The following GSE1 variants were observed in gnomAD, a reference collection of about 807,000 sequenced individuals.
The protein encoded by GSE1 is Gse1 coiled-coil protein.
GSE1 carries 32 observed loss-of-function variants against 112.6 expected under a neutral mutation model. The ratio of observed to expected loss-of-function variants is 0.28; its 90% confidence interval spans 0.21 to 0.38. The LOEUF (loss-of-function observed/expected upper bound fraction) is 0.38, where lower values mean the gene tolerates loss of function less well. Among genes scored for constraint, GSE1 ranks in the 10% least tolerant of loss-of-function variants. The probability of loss-of-function intolerance (pLI) is 1.00; values close to 1 mark genes in which losing one functional copy is unlikely to be tolerated. For missense variants in GSE1, 2,348 were observed against 1,699.2 expected (o/e 1.38, Z -6.71); for synonymous variants, 1,115 against 735.6 (o/e 1.52, Z -8.35).
chr16:85,176,179 CT>C (rs970357068), intron 1 of GSE1, among the ~76,000 whole-genome samples: 2 of 151,746 alleles, frequency 1.3e-5, no homozygotes, highest in Non-Finnish European at 2.9e-5. Flanking sequence ...TCTAGAGACT[CT>C]GTTGCCCTGG....
chr16:85,340,870 C>G (rs1446524775), intron 1 of GSE1, among the ~76,000 whole-genome samples: 1 of 152,224 alleles, frequency 6.6e-6, no homozygotes, highest in Non-Finnish European at 1.5e-5. Flanking sequence ...CCACTCCCGG[C>G]TCTGCCCAGG....
At chr16:85,465,906 A>C (rs571485170) in intron 2 of GSE1, among the ~76,000 whole-genome samples, 1 of 152,304 alleles carries the variant, frequency 6.6e-6, no homozygotes, top group East Asian at 1.9e-4. Flanking sequence ...TTCACTTCCC[A>C]GCTATTCAGT....
At chr16:85,649,641 C>T (rs74034013) in intron 3 of GSE1, among the ~76,000 whole-genome samples, 4,996 of 152,258 alleles carry the variant, frequency 0.033, 177 homozygotes, top group African/African-American at 0.071. Flanking sequence ...CCCGGCCCCC[C>T]ACCCCTGGCG....
At chr16:85,189,963 T>G (rs913266505) in intron 1 of GSE1, among the ~76,000 whole-genome samples, 4 of 152,252 alleles carry the variant, frequency 2.6e-5, no homozygotes, top group Non-Finnish European at 5.9e-5. Context: ...TTTACCTCTT[T>G]AAAGTTTTTG....
In GSE1 at chr16:85,529,752, G is replaced by A. The variant is rs956572009; in HGVS notation, c.2465-104162G>A. Among the ~76,000 whole-genome samples the A allele has an allele frequency of 3.7e-4, 56 of 152,190 alleles. 2 individuals carry two copies. The highest frequency in any genetic ancestry group is 2.5e-4 in the Non-Finnish European group (17 of 68,024). ...GTGGAGACGGAACAGGGAGGCTTCC[G>A]GAACCTCACCGATTAGACTGTCTAG... On this transcript the variant is annotated intron_variant, in intron 2 of 2. Transcript: ENST00000637419.
At chr16:85,464,125 C>A (rs981606493) in intron 2 of GSE1, among the ~76,000 whole-genome samples, 3 of 152,188 alleles carry the variant, frequency 2.0e-5, no homozygotes, top group Non-Finnish European at 2.9e-5. Flanking sequence ...CTCGCCTGCC[C>A]GCCCACCCCT....
rs2053454362 is a variant in GSE1 at position 85,672,809 on chromosome 16, CATTATTT to C, written c.*271_*277del. 3.8e-6 allele frequency: 1 copy of C among 264,114 alleles called. No individual in the cohort carries two copies. The highest frequency in any genetic ancestry group is 7.2e-6 in the Non-Finnish European group (1 of 138,412). 16.4% of individuals were successfully genotyped at this position (264,114 alleles called of 1,614,324 possible). On this transcript the variant is annotated 3_prime_UTR_variant, in exon 16 of 16. Coordinates refer to ENST00000253458, the MANE Select transcript of GSE1 (RefSeq NM_014615.5). The stretch of plus-strand genomic sequence containing the variant: ...GGTGGTTTTCGCCCTTCCTCTCCCA[CATTATTT>C]CTTAATCTGAACATGAAGGCTCCAT...
chr16:85,216,896 C>G (rs1189887250), intron 1 of GSE1, among the ~76,000 whole-genome samples: 1 of 152,240 alleles, frequency 6.6e-6, no homozygotes, highest in Non-Finnish European at 1.5e-5. Context: ...TCCCCAACTG[C>G]AGAATGAGTT....
At chr16:85,484,636 C>T (rs2050777889) in intron 2 of GSE1, among the ~76,000 whole-genome samples, 1 of 152,154 alleles carries the variant, frequency 6.6e-6, no homozygotes, top group Admixed American at 6.5e-5. Flanking sequence ...GAGGGAGGGG[C>T]TGTTATTTCC....
chr16:85,234,683 G>T (rs980846899), intron 1 of GSE1, among the ~76,000 whole-genome samples: 1 of 152,194 alleles, frequency 6.6e-6, no homozygotes, highest in East Asian at 1.9e-4. Context: ...AAAGCCGCTG[G>T]CCTCACACTG....
rs181136360 is a variant in GSE1 at position 85,565,339 on chromosome 16, C to G, written c.37+8976C>G. On this transcript the variant is annotated intron_variant, in intron 1 of 2. Coordinates refer to the GSE1 transcript ENST00000635906. The stretch of plus-strand genomic sequence containing the variant: ...CCTGGGAGCGGAGGTTGCAGTGAGA[C>G]GAGATGGTGCCACTGCACTCCAGCC... 7.8e-4 allele frequency among the ~76,000 whole-genome samples: 117 copies of G among 150,070 alleles called. 1 individual carries two copies. Among genetic ancestry groups the G allele is most frequent in the Non-Finnish European group, 1.4e-3 (92 of 67,862 alleles).
chr16:85,480,945 A>C (rs1463840451), intron 2 of GSE1, among the ~76,000 whole-genome samples: 1 of 152,234 alleles, frequency 6.6e-6, no homozygotes, highest in African/African-American at 2.4e-5. Context: ...CAGCGCGTGC[A>C]GAACCGCAGG....
rs543143438 is a variant in GSE1, at chr16:85,183,295, G to A, written c.2283+11488G>A. 5.3e-5 allele frequency among the ~76,000 whole-genome samples: 8 copies of A among 152,318 alleles called. No homozygotes were observed. The East Asian group carries it at 7.7e-4, about 15-fold the overall frequency. ...CCTGGAGGTGAATCTGGCAGGGCCC[G>A]TGTGCCAGCCTAGCTCTCACCTGTG... On this transcript the variant is annotated intron_variant, in intron 1 of 2. Coordinates refer to the GSE1 transcript ENST00000637419.
At chr16:85,465,386 A>G (rs903171112) in intron 2 of GSE1, among the ~76,000 whole-genome samples, 1 of 152,192 alleles carries the variant, frequency 6.6e-6, no homozygotes, top group African/African-American at 2.4e-5. Flanking sequence ...CTGGGCTCCC[A>G]TCTGGGTTCT....
At chr16:85,260,319 C>CTTTTCT (rs1907543573) in intron 1 of GSE1, among the ~76,000 whole-genome samples, 4 of 94,868 alleles carry the variant, frequency 4.2e-5, no homozygotes, top group South Asian at 4.0e-4. Flanking sequence ...TTTTTCTTTT[C>CTTTTCT]TTTTTTTTTT....
chr16:85,223,391 C>T (rs2075427221), intron 1 of GSE1, among the ~76,000 whole-genome samples: 1 of 151,794 alleles, frequency 6.6e-6, no homozygotes, highest in Admixed American at 6.6e-5. Context: ...AGTGTAATGT[C>T]CTGAGCCTGT....
intron 1 of GSE1, among the ~76,000 whole-genome samples, chr16:85,301,257 G>C (rs2045516341): frequency 6.6e-6 from 1 of 152,244 alleles, no homozygotes; most frequent in Non-Finnish European, 1.5e-5. Context: ...GCCCAGGAAA[G>C]TGGTGCCCTT....
At chr16:85,180,121 C>T (rs942845817) in intron 1 of GSE1, among the ~76,000 whole-genome samples, 1 of 152,254 alleles carries the variant, frequency 6.6e-6, no homozygotes, top group East Asian at 1.9e-4. Flanking sequence ...GCCCTGACTG[C>T]TGTGTTTTAA....
intron 1 of GSE1, among the ~76,000 whole-genome samples, chr16:85,340,855 C>T (rs1173998064): frequency 6.6e-6 from 1 of 152,214 alleles, no homozygotes; most frequent in Non-Finnish European, 1.5e-5. Context: ...GAGCCCTGAG[C>T]TGCTCCACTC....
Sources: gnomAD v4.1 joint callset for allele counts (sites outside exome capture counted in the v4.1 genomes callset) on GRCh38, gnomAD v4.1.1 for gene constraint, MANE v1.5 for transcripts, NCBI Gene and HGNC (gene_info 2026-07-23, HGNC 2026-07-21) for gene names.